Variants in UGT1A6 observed in about 807,000 individuals in gnomAD.
UGT1A6 encodes the protein UDP glucuronosyltransferase family 1 member A6, also known as UDP-glucuronosyltransferase 1A6.
In UGT1A6, 32 loss-of-function variants were observed where a neutral mutation model predicts 44.4. The ratio of observed to expected loss-of-function variants is 0.72; its 90% confidence interval spans 0.54 to 0.97. The LOEUF (loss-of-function observed/expected upper bound fraction) is 0.97, where lower values mean the gene tolerates loss of function less well. Among genes scored for constraint, UGT1A6 ranks in the 50% least tolerant of loss-of-function variants. UGT1A6 has a pLI of 0.00. For synonymous variants in UGT1A6, 238 were observed against 248.5 expected (o/e 0.96, Z 0.40); for missense variants, 685 against 661.9 (o/e 1.03, Z -0.38).
intron 1 of UGT1A6, among the ~76,000 whole-genome samples, chr2:233,720,004 A>G (rs1304715933): frequency 2.6e-5 from 4 of 152,144 alleles, no homozygotes; most frequent in African/African-American, 9.7e-5. Flanking sequence ...TACATTCAGA[A>G]CTGATCCATC....
At chr2:233,693,944 G>A (rs2075190377) in intron 1 of UGT1A6, 79 bp downstream of exon 1, 26 of 1,599,102 alleles carry the variant, frequency 1.6e-5, no homozygotes, top group South Asian at 1.6e-4. Context: ...TCCTTGAGCC[G>A]ACTGTCCCTT....
At position 233,744,330 on chromosome 2, in the gene UGT1A6, T is replaced by A. The variant is rs1692777222; in HGVS notation, c.862-22704T>A. Among the ~76,000 whole-genome samples the A allele has an allele frequency of 1.3e-5, 2 of 151,878 alleles. 1 individual carries two copies. The highest frequency in any genetic ancestry group is 4.9e-5 in the African/African-American group (2 of 41,124). On this transcript the variant is annotated intron_variant, in intron 1 of 4. Coordinates refer to ENST00000305139, the MANE Select transcript of UGT1A6 (RefSeq NM_001072.4). Reference sequence around the variant, plus strand: ...GGGAAGAGGGTGGTGGGAGTGAGTTTAGTCTGACTGGGGCTGAAGACATCC... The same window carrying A: ...GGGAAGAGGGTGGTGGGAGTGAGTTAAGTCTGACTGGGGCTGAAGACATCC...
chr2:233,697,389 G>T (rs1033670982), intron 1 of UGT1A6, among the ~76,000 whole-genome samples: 1 of 151,952 alleles, frequency 6.6e-6, no homozygotes, highest in African/African-American at 2.4e-5. Flanking sequence ...AATCGCTAAT[G>T]ATCCTTTGTA....
intron 1 of UGT1A6, among the ~76,000 whole-genome samples, chr2:233,764,582 C>G (rs1698598624): frequency 6.6e-6 from 1 of 152,122 alleles, no homozygotes; most frequent in South Asian, 2.1e-4. Context: ...TAGACTCGGC[C>G]TTTTCCAGAT....
intron 1 of UGT1A6, among the ~76,000 whole-genome samples, chr2:233,717,097 A>G (rs1035812992): frequency 6.6e-6 from 1 of 152,144 alleles, no homozygotes; most frequent in South Asian, 2.1e-4. Context: ...TGACATCACT[A>G]TCTAAATAAA....
chr2:233,694,538 T>G (rs530909274), intron 1 of UGT1A6, among the ~76,000 whole-genome samples: 1 of 152,310 alleles, frequency 6.6e-6, no homozygotes, highest in South Asian at 2.1e-4. Context: ...CAGAGTTACT[T>G]TGGAAAATAA....
chr2:233,724,324 G>A (rs1335235412), intron 1 of UGT1A6, among the ~76,000 whole-genome samples: 16 of 147,022 alleles, frequency 1.1e-4, no homozygotes, highest in African/African-American at 1.5e-4. Flanking sequence ...GGGGCGGCTG[G>A]CCAGGCGGGG....
chr2:233,709,219 T>G (rs2076065837), intron 1 of UGT1A6, among the ~76,000 whole-genome samples: 1 of 151,980 alleles, frequency 6.6e-6, no homozygotes, highest in African/African-American at 2.4e-5. Context: ...CATTTGAGAG[T>G]TTGGGGGAGG....
At chr2:233,754,930 G>C (rs1387383656) in intron 1 of UGT1A6, 3 of 1,344,668 alleles carry the variant, frequency 2.2e-6, no homozygotes, top group Non-Finnish European at 2.0e-6. Context: ...TTTCCCAAGA[G>C]GTCAAAGGAG....
At chr2:233,759,599 A>ACCCCCCCCCCCCCCCC (rs1553620419) in intron 1 of UGT1A6, among the ~76,000 whole-genome samples, 4 of 108,738 alleles carry the variant, frequency 3.7e-5, no homozygotes, top group East Asian at 3.1e-4. Flanking sequence ...CCCACCCCCG[A>ACCCCCCCCCCCCCCCC]CCCGCCCCAC....
Position 233,704,417 on chromosome 2 carries a change from AC to A in UGT1A6, c.861+10553del, listed in dbSNP as rs57721875. Among the ~76,000 whole-genome samples, 1,452 of 152,082 alleles carry A rather than the reference AC, an allele frequency of 9.5e-3. 33 individuals are homozygous for A. Among genetic ancestry groups the A allele is most frequent in the African/African-American group, 0.033 (1,359 of 41,510 alleles). ...CAGTATCTACTTCAGATTTATACCA[AC>A]TTAATTCCAGTTAAATATTGAAATG... is the stretch of plus-strand genomic sequence containing the variant. On this transcript the variant is annotated intron_variant, in intron 1 of 4. Transcript: ENST00000305139.
intron 1 of UGT1A6, among the ~76,000 whole-genome samples, chr2:233,700,974 A>G (rs1575470189): frequency 6.6e-6 from 1 of 150,696 alleles, no homozygotes; most frequent in African/African-American, 2.4e-5. Flanking sequence ...GCGGTGTTTG[A>G]TTTTTTGTCC....
chr2:233,722,946 TGAG>T (rs1439594890), intron 1 of UGT1A6, among the ~76,000 whole-genome samples: 3 of 133,040 alleles, frequency 2.3e-5, no homozygotes, highest in African/African-American at 2.8e-5. Flanking sequence ...CTGAGTGGGC[TGAG>T]GAGGAGGAGG....
At chr2:233,768,722 A>G (rs1461787067) in intron 4 of UGT1A6, among the ~76,000 whole-genome samples, 1 of 150,864 alleles carries the variant, frequency 6.6e-6, no homozygotes, top group Non-Finnish European at 1.5e-5. Flanking sequence ...AGCTGGGATT[A>G]CAGGTGTCCA....
At chr2:233,710,183 T>C (rs1189397959) in intron 1 of UGT1A6, among the ~76,000 whole-genome samples, 1 of 152,232 alleles carries the variant, frequency 6.6e-6, no homozygotes, top group East Asian at 1.9e-4. Context: ...TTGATGGACA[T>C]GTGGATAGTT....
At chr2:233,741,525 C>T (rs916484362) in intron 1 of UGT1A6, 1 of 151,902 alleles carries the variant, frequency 6.6e-6, no homozygotes, top group South Asian at 2.1e-4. Context: ...CCTTAACAGT[C>T]TGTCTTATTC....
At chr2:233,760,266 C>T (rs778145749) in intron 1 of UGT1A6, 17 of 1,611,888 alleles carry the variant, frequency 1.1e-5, no homozygotes, top group Non-Finnish European at 1.4e-5. Context: ...GAGGGCGAAC[C>T]TCTGGCAGGA....
Position 233,704,355 on chromosome 2 carries a change from G to A in UGT1A6, c.861+10490G>A, listed in dbSNP as rs188640980. Reference sequence around the variant, plus strand: ...CTATTTAAAAAGTTGTGTTCTGAGCGGTTGTTCTAGGGCTTAGCACATCGA... The same window carrying A: ...CTATTTAAAAAGTTGTGTTCTGAGCAGTTGTTCTAGGGCTTAGCACATCGA... On this transcript the variant is annotated intron_variant, in intron 1 of 4. Coordinates refer to ENST00000305139, the MANE Select transcript of UGT1A6 (RefSeq NM_001072.4). Among the ~76,000 whole-genome samples, 17 of 150,272 alleles carry A rather than the reference G, an allele frequency of 1.1e-4. 1 individual carries two copies. Among genetic ancestry groups the A allele is most frequent in the Admixed American group, 4.6e-4 (7 of 15,102 alleles).
chr2:233,724,170 C>A (rs1159618034), intron 1 of UGT1A6, among the ~76,000 whole-genome samples: 1 of 122,814 alleles, frequency 8.1e-6, no homozygotes, highest in African/African-American at 3.5e-5. Context: ...GCTGACCCCC[C>A]CATCTCCCTC....
Sources: gnomAD v4.1 joint callset for allele counts (sites outside exome capture counted in the v4.1 genomes callset) on GRCh38, gnomAD v4.1.1 for gene constraint, MANE v1.5 for transcripts, NCBI Gene and HGNC (gene_info 2026-07-23, HGNC 2026-07-21) for gene names.